DMD: variants seen among roughly 807,000 people sequenced by gnomAD.
DMD encodes dystrophin, also known as mutant dystrophin.
Under a neutral mutation model 330.1 loss-of-function variants are expected in DMD, and 63 were observed. The observed-to-expected ratio is 0.19, with a 90% CI of 0.16 to 0.24. The LOEUF is 0.24. DMD is among the 10% of genes least tolerant of loss of function. DMD has a pLI of 1.00. For synonymous variants in DMD, 1,223 were observed against 959.8 expected, an observed-to-expected ratio of 1.27 and a Z score of -5.07; for missense variants, 3,344 against 2,684.1, an observed-to-expected ratio of 1.25 and a Z score of -5.43.
intron 60 of DMD, among the ~76,000 whole-genome samples, chrX:31,372,289 G>C (rs781733768): frequency 8.9e-6 from 1 of 112,061 alleles, no homozygotes; most frequent in Non-Finnish European, 1.9e-5. Context: ...GAGATTTTAG[G>C]CATAGAGTAC....
chrX:31,372,992 A>C (rs1419741509), intron 60 of DMD, among the ~76,000 whole-genome samples: 2 of 111,688 alleles, frequency 1.8e-5, no homozygotes, highest in African/African-American at 6.5e-5. Context: ...ATACAAAAGC[A>C]ATGTGCAAAA....
chrX:31,642,299 T>G, intron 54 of DMD, among the ~76,000 whole-genome samples: 1 of 111,984 alleles, frequency 8.9e-6, no homozygotes, highest in East Asian at 2.8e-4. Context: ...TACCTTAAAG[T>G]GTTTTTCCAA....
At chrX:33,108,282 C>A (rs989219350) in intron 1 of DMD, among the ~76,000 whole-genome samples, 5 of 109,686 alleles carry the variant, frequency 4.6e-5, no homozygotes, top group African/African-American at 1.7e-4. Context: ...TTTTTTGAGA[C>A]GAAGTATCCC....
chrX:33,150,442 C>T (rs1272344041), intron 1 of DMD, among the ~76,000 whole-genome samples: 1 of 109,152 alleles, frequency 9.2e-6, no homozygotes, highest in Non-Finnish European at 1.9e-5. Flanking sequence ...TACAGATGTG[C>T]ACCACCACGC....
chrX:32,611,069 A>G (rs988994471), intron 12 of DMD, among the ~76,000 whole-genome samples: 1 of 110,946 alleles, frequency 9.0e-6, no homozygotes, highest in African/African-American at 3.3e-5. Context: ...TACATGTTTC[A>G]GGTTTAAATA....
chrX:31,771,097 T>C (rs759247823), intron 51 of DMD, among the ~76,000 whole-genome samples: 60 of 111,563 alleles, frequency 5.4e-4, no homozygotes, highest in African/African-American at 1.8e-3. Context: ...GGGATTGCTT[T>C]ATTTAAAACT....
intron 2 of DMD, among the ~76,000 whole-genome samples, chrX:32,926,516 G>T (rs2089027064): frequency 9.0e-6 from 1 of 111,315 alleles, no homozygotes; most frequent in Non-Finnish European, 1.9e-5. Context: ...TTGGGAGGCG[G>T]AAGCGGGCGG....
At chrX:31,541,271 A>C (rs997943340) in intron 55 of DMD, among the ~76,000 whole-genome samples, 2 of 111,997 alleles carry the variant, frequency 1.8e-5, no homozygotes, top group Non-Finnish European at 3.8e-5. Flanking sequence ...TGTTTGGAAC[A>C]ACTTAGGAAT....
intron 9 of DMD, among the ~76,000 whole-genome samples, chrX:32,670,436 G>A (rs1387401215): frequency 8.9e-6 from 1 of 111,765 alleles, no homozygotes; most frequent in Non-Finnish European, 1.9e-5. Context: ...AAGATGCCTA[G>A]GTCTATTTTA....
chrX:31,547,483 T>C (rs1172377588), intron 55 of DMD, among the ~76,000 whole-genome samples: 2 of 112,137 alleles, frequency 1.8e-5, no homozygotes, highest in African/African-American at 6.5e-5. Flanking sequence ...AATTAATATA[T>C]CTTCGGGGAA....
At chrX:31,746,857 T>C (rs1603458759) in intron 51 of DMD, among the ~76,000 whole-genome samples, 1 of 110,789 alleles carries the variant, frequency 9.0e-6, no homozygotes, top group Non-Finnish European at 1.9e-5. Flanking sequence ...AATAAATATA[T>C]ATCCTAAATT....
rs140980346 is a variant in DMD, at chrX:33,180,083, A to C, written c.31+31199T>G. Among the ~76,000 whole-genome samples the C allele has an allele frequency of 5.4e-5, 6 of 111,106 alleles. No individual in the cohort carries two copies. The East Asian group carries it at 1.7e-3, about 32-fold the overall frequency. The stretch of plus-strand genomic sequence containing the variant: ...ACTCCTGATCTGAAGTGATCTGCCC[A>C]CCTTGGCCTCCCAAAGTGCTGGGAT... On this transcript the variant is annotated intron_variant, in intron 1 of 78. Transcript: ENST00000357033.
chrX:33,175,764 G>T (rs899823763), intron 1 of DMD, among the ~76,000 whole-genome samples: 1 of 111,791 alleles, frequency 8.9e-6, no homozygotes, highest in Non-Finnish European at 1.9e-5. Context: ...ACCTTCTATT[G>T]TGAAGGAGCA....
chrX:33,240,541 C>T (rs2052570834), intron 1 of DMD, among the ~76,000 whole-genome samples: 1 of 112,177 alleles, frequency 8.9e-6, no homozygotes, highest in Non-Finnish European at 1.9e-5. Flanking sequence ...GCAGATATCT[C>T]TTCAACGTGT....
chrX:33,070,669 CTCTCTATATATATA>C (rs1223645526), intron 1 of DMD, among the ~76,000 whole-genome samples: 24 of 45,679 alleles, frequency 5.3e-4, no homozygotes, highest in African/African-American at 1.9e-3. Flanking sequence ...CTCTCTCTCT[CTCTCTATATATATA>C]TATATATATA....
At chrX:33,015,515 G>C (rs901576689) in intron 2 of DMD, among the ~76,000 whole-genome samples, 45 of 110,677 alleles carry the variant, frequency 4.1e-4, no homozygotes, top group African/African-American at 1.5e-3. Context: ...CTTATCGGAA[G>C]GTGGAGGGTG....
intron 48 of DMD, among the ~76,000 whole-genome samples, chrX:31,867,047 C>A (rs986753763): frequency 9.2e-6 from 1 of 108,282 alleles, no homozygotes; most frequent in Non-Finnish European, 1.9e-5. Flanking sequence ...TTGGTCTGCT[C>A]TTTTGAAATA....
At chrX:31,789,922 TAAC>T (rs2091489880) in intron 50 of DMD, among the ~76,000 whole-genome samples, 1 of 111,075 alleles carries the variant, frequency 9.0e-6, no homozygotes, top group Non-Finnish European at 1.9e-5. Flanking sequence ...TTGAGAAACA[TAAC>T]TACTAAATAC....
intron 55 of DMD, among the ~76,000 whole-genome samples, chrX:31,568,410 T>C (rs924045778): frequency 9.0e-6 from 1 of 111,416 alleles, no homozygotes; most frequent in Non-Finnish European, 1.9e-5. Flanking sequence ...TTCAGCTCTA[T>C]TCATTTTTGC....
Sources: gnomAD v4.1 joint callset for allele counts (sites outside exome capture counted in the v4.1 genomes callset) on GRCh38, gnomAD v4.1.1 for gene constraint, MANE v1.5 for transcripts, NCBI Gene and HGNC (gene_info 2026-07-23, HGNC 2026-07-21) for gene names.